Variants in THSD4 observed in about 807,000 individuals in gnomAD.
THSD4 encodes thrombospondin type-1 domain-containing protein 4.
Under a neutral mutation model 119.0 loss-of-function variants are expected in THSD4, and 69 were observed. That is an observed-to-expected ratio of 0.58 (90% CI 0.48 to 0.71). The LOEUF is 0.71. Among genes scored for constraint, THSD4 ranks in the 30% least tolerant of loss-of-function variants. The pLI, the probability that THSD4 is intolerant of heterozygous loss-of-function variation, is 0.00. For missense variants in THSD4, 1,393 were observed against 1,391.1 expected (o/e 1.00, Z -0.02); for synonymous variants, 524 against 540.4 (o/e 0.97, Z 0.42).
chr15:71,123,142 G>A (rs1313682342), intron 1 of THSD4, among the ~76,000 whole-genome samples: 1 of 152,230 alleles, frequency 6.6e-6, no homozygotes, highest in African/African-American at 2.4e-5. Context: ...GTTCCAGAGA[G>A]GGAAGTTATT....
intron 1 of THSD4, among the ~76,000 whole-genome samples, chr15:71,133,043 G>T (rs1470267): frequency 0.098 from 14,897 of 152,272 alleles, 932 homozygotes; most frequent in East Asian, 0.35. Flanking sequence ...AAAAGCTGCA[G>T]CTCCCATGCA....
chr15:71,629,760 C>T (rs963240149), intron 7 of THSD4, among the ~76,000 whole-genome samples: 1 of 152,196 alleles, frequency 6.6e-6, no homozygotes, highest in Non-Finnish European at 1.5e-5. Context: ...CCCTTGCCCC[C>T]ATCCCAAATC....
At chr15:71,500,003 G>A (rs1287583521) in intron 7 of THSD4, among the ~76,000 whole-genome samples, 3 of 152,142 alleles carry the variant, frequency 2.0e-5, no homozygotes, top group South Asian at 4.1e-4. Context: ...ATACCCAGAA[G>A]TGGAATTGTC....
At chr15:71,111,466 C>T, upstream of THSD4, 1 of 1,457,678 alleles carries the variant, frequency 6.9e-7, no homozygotes, top group South Asian at 1.2e-5. Flanking sequence ...AGGAGGCAAG[C>T]AGGGGAGGGA....
intron 7 of THSD4, among the ~76,000 whole-genome samples, chr15:71,484,491 C>G (rs568273017): frequency 6.6e-6 from 1 of 152,170 alleles, no homozygotes; most frequent in Non-Finnish European, 1.5e-5. Context: ...CCAAACCTGT[C>G]CTGTCCTGAG....
intron 8 of THSD4, among the ~76,000 whole-genome samples, chr15:71,681,824 G>A (rs1331136083): frequency 6.6e-6 from 1 of 152,122 alleles, no homozygotes; most frequent in Non-Finnish European, 1.5e-5. Flanking sequence ...GATGTTCATG[G>A]GGGCAAACGG....
intron 9 of THSD4, chr15:71,730,909 C>T (rs1360778374): frequency 1.7e-5 from 9 of 539,238 alleles, no homozygotes; most frequent in South Asian, 6.6e-5. Flanking sequence ...TTCTGATTTG[C>T]TCGGCCTAAG....
intron 7 of THSD4, among the ~76,000 whole-genome samples, chr15:71,449,867 A>G (rs1054579620): frequency 1.1e-4 from 17 of 152,218 alleles, no homozygotes; most frequent in African/African-American, 4.1e-4. Context: ...TTATCCACCT[A>G]GTTCCTTGGG....
At chr15:71,722,292 T>G (rs1404965183) in intron 8 of THSD4, among the ~76,000 whole-genome samples, 1 of 152,228 alleles carries the variant, frequency 6.6e-6, no homozygotes, top group Non-Finnish European at 1.5e-5. Flanking sequence ...CCACATTTGC[T>G]AATAATCTGT....
intron 1 of THSD4, among the ~76,000 whole-genome samples, chr15:71,124,118 T>G (rs1249486462): frequency 6.6e-6 from 1 of 152,214 alleles, no homozygotes; most frequent in Non-Finnish European, 1.5e-5. Flanking sequence ...TTTGACAGAC[T>G]GTCAAGATTG....
intron 8 of THSD4, among the ~76,000 whole-genome samples, chr15:71,711,146 A>G (rs1326667412): frequency 6.6e-6 from 1 of 150,458 alleles, no homozygotes; most frequent in Non-Finnish European, 1.5e-5. Flanking sequence ...GATGAAATAC[A>G]CATGGCAAAT....
intron 6 of THSD4, among the ~76,000 whole-genome samples, chr15:71,338,419 C>T (rs966726854): frequency 9.9e-5 from 15 of 152,118 alleles, no homozygotes; most frequent in African/African-American, 3.4e-4. Context: ...CACATTGCTC[C>T]AGTTCATACT....
chr15:71,664,043 C>T (rs145812180), intron 8 of THSD4, among the ~76,000 whole-genome samples: 2 of 151,818 alleles, frequency 1.3e-5, no homozygotes, highest in African/African-American at 2.4e-5. Flanking sequence ...AGTGCAGTGG[C>T]GCCGTCTCAG....
intron 7 of THSD4, among the ~76,000 whole-genome samples, chr15:71,532,550 C>T (rs527572618): frequency 1.3e-5 from 2 of 151,942 alleles, no homozygotes; most frequent in Admixed American, 6.6e-5. Flanking sequence ...CTCTTGACCT[C>T]GCAATCTGCC....
chr15:71,218,475 T>C (rs1029703053), intron 4 of THSD4, among the ~76,000 whole-genome samples: 1 of 152,192 alleles, frequency 6.6e-6, no homozygotes, highest in African/African-American at 2.4e-5. Flanking sequence ...CCTGTGTGTT[T>C]TGGCAGCAGG....
chr15:71,118,412 C>T (rs1282019898), intron 1 of THSD4, among the ~76,000 whole-genome samples: 3 of 152,114 alleles, frequency 2.0e-5, no homozygotes, highest in Admixed American at 6.5e-5. Flanking sequence ...TCCCACCCAG[C>T]CTTTCTTGCA....
At chr15:71,694,918 G>A (rs543118570) in intron 8 of THSD4, among the ~76,000 whole-genome samples, 9 of 152,244 alleles carry the variant, frequency 5.9e-5, no homozygotes, top group African/African-American at 2.2e-4. Context: ...AAGTGCAGCA[G>A]CCCACAGGAG....
intron 13 of THSD4, 67 bp downstream of exon 13, chr15:71,747,109 C>G: frequency 2.0e-6 from 3 of 1,508,248 alleles, no homozygotes; most frequent in African/African-American, 1.4e-5. Flanking sequence ...CCAGCCTCCC[C>G]CACCAAGACC....
In THSD4 at chr15:71,781,015, A is replaced by G. The variant is rs1424198023; in HGVS notation, c.*3641A>G. 1 of 329,818 alleles carries G rather than the reference A, an allele frequency of 3.0e-6. No individual in the cohort carries two copies. Among genetic ancestry groups the G allele is most frequent in the Non-Finnish European group, 6.0e-6 (1 of 166,488 alleles). The allele number at this position is 329,818 out of a possible 1,614,324, so 20.4% of individuals were successfully genotyped here. ...AATTCTAATGAGGAGGAAGACATAA[A>G]TATAAGTGGTAAAAAGAAACATGAC... is the stretch of plus-strand genomic sequence containing the variant. On this transcript the variant is annotated 3_prime_UTR_variant, in exon 18 of 18. Transcript: ENST00000261862.
Sources: gnomAD v4.1 joint callset for allele counts (sites outside exome capture counted in the v4.1 genomes callset) on GRCh38, gnomAD v4.1.1 for gene constraint, MANE v1.5 for transcripts, NCBI Gene and HGNC (gene_info 2026-07-23, HGNC 2026-07-21) for gene names.